Variants in CCDC171 observed in about 807,000 individuals in gnomAD.
CCDC171 encodes coiled-coil domain-containing protein 171.
In CCDC171, 177 loss-of-function variants were observed where a neutral mutation model predicts 168.2. The ratio of observed to expected loss-of-function variants is 1.05; its 90% CI spans 0.93 to 1.19. The LOEUF is 1.19. Ranked by LOEUF, CCDC171 falls within the 50% of genes most tolerant of loss-of-function variation. CCDC171 has a pLI of 0.00. For missense variants in CCDC171, 1,991 were observed against 1,539.0 expected (o/e 1.29, Z -4.91); for synonymous variants, 687 against 540.8 (o/e 1.27, Z -3.75).
intron 24 of CCDC171, among the ~76,000 whole-genome samples, chr9:15,906,372 C>G (rs550976113): frequency 3.3e-5 from 5 of 152,162 alleles, no homozygotes; most frequent in African/African-American, 1.2e-4. Context: ...GTTCAACATA[C>G]GAAAATCAAT....
chr9:15,810,033 G>A (rs561079020), intron 21 of CCDC171, among the ~76,000 whole-genome samples: 1 of 152,284 alleles, frequency 6.6e-6, no homozygotes, highest in Non-Finnish European at 1.5e-5. Flanking sequence ...GTCCCCACTA[G>A]ATGAGCTAGA....
chr9:15,706,597 A>T (rs1045284735), intron 11 of CCDC171, among the ~76,000 whole-genome samples: 1 of 152,044 alleles, frequency 6.6e-6, no homozygotes, highest in Non-Finnish European at 1.5e-5. Flanking sequence ...CCCATGTAGT[A>T]TTTTTGCTGT....
intron 3 of CCDC171, among the ~76,000 whole-genome samples, chr9:16,016,426 T>TGAAA (rs1833019578): frequency 1.3e-5 from 2 of 151,934 alleles, no homozygotes; most frequent in African/African-American, 2.4e-5. Context: ...AGTGAATGAA[T>TGAAA]GAAAGAAAGA....
chr9:15,939,919 G>C (rs1160763708), intron 25 of CCDC171, among the ~76,000 whole-genome samples: 1 of 151,736 alleles, frequency 6.6e-6, no homozygotes, highest in Non-Finnish European at 1.5e-5. Context: ...AAAAGGGATG[G>C]ATAATTTCAT....
At chr9:16,064,999 T>C (rs1412476169), downstream of CCDC171, among the ~76,000 whole-genome samples, 1 of 152,210 alleles carries the variant, frequency 6.6e-6, no homozygotes, top group Non-Finnish European at 1.5e-5. Flanking sequence ...TAAGTGCATT[T>C]GTATTGTTAA....
intron 8 of CCDC171, among the ~76,000 whole-genome samples, chr9:16,037,760 T>C (rs59882619): frequency 0.017 from 2,654 of 152,234 alleles, 91 homozygotes; most frequent in African/African-American, 0.061. Context: ...CTGGAAGAGA[T>C]TTAATTCCAA....
At chr9:15,803,336 C>A (rs1050358742) in intron 21 of CCDC171, among the ~76,000 whole-genome samples, 8 of 151,502 alleles carry the variant, frequency 5.3e-5, no homozygotes, top group African/African-American at 1.9e-4. Context: ...TTTGCCCATG[C>A]CTATGTCCTG....
At chr9:15,584,060 G>C (rs1013694644) in intron 4 of CCDC171, among the ~76,000 whole-genome samples, 3 of 152,012 alleles carry the variant, frequency 2.0e-5, no homozygotes, top group Non-Finnish European at 4.4e-5. Context: ...GTAGAGACGG[G>C]GTTTCACCAT....
chr9:15,948,629 G>A (rs1313598944), intron 25 of CCDC171, among the ~76,000 whole-genome samples: 1 of 152,060 alleles, frequency 6.6e-6, no homozygotes, highest in Non-Finnish European at 1.5e-5. Context: ...GTCTTCTTTT[G>A]AGTAGTGTCT....
intron 21 of CCDC171, among the ~76,000 whole-genome samples, chr9:15,786,171 A>G (rs2135511257): frequency 6.6e-6 from 1 of 152,274 alleles, no homozygotes; most frequent in South Asian, 2.1e-4. Flanking sequence ...AAATGCCAGG[A>G]ATTTCAAATG....
Position 15,578,082 on chromosome 9 carries a change from A to G in CCDC171, c.178-767A>G, listed in dbSNP as rs1178157518. Among the ~76,000 whole-genome samples the G allele has an allele frequency of 2.0e-5, 3 of 152,312 alleles. No homozygotes were observed. The East Asian group carries it at 5.8e-4, about 29-fold the overall frequency. On this transcript the variant is annotated intron_variant, in intron 3 of 25. Transcript: ENST00000380701. ...TGATATCATAATCAAGAGAAATAATACAGACAATATTTATTAAACTATACT... is the reference window on the plus strand; with the variant it reads ...TGATATCATAATCAAGAGAAATAATGCAGACAATATTTATTAAACTATACT...
chr9:15,656,906 T>G (rs931413049), intron 7 of CCDC171, among the ~76,000 whole-genome samples: 1 of 152,104 alleles, frequency 6.6e-6, no homozygotes, highest in Non-Finnish European at 1.5e-5. Flanking sequence ...GTGTAGGTTA[T>G]TATATGTAAG....
intron 21 of CCDC171, among the ~76,000 whole-genome samples, chr9:15,831,421 A>G (rs970357200): frequency 3.3e-5 from 5 of 152,232 alleles, no homozygotes; most frequent in African/African-American, 1.2e-4. Flanking sequence ...ATTAAAACAC[A>G]CTTGACACTT....
chr9:15,587,632 A>C lies in CCDC171; in HGVS notation c.353-3734A>C, dbSNP rs1392407067. On this transcript the variant is annotated intron_variant, in intron 4 of 25. Transcript: ENST00000380701. Reference sequence around the variant, plus strand: ...AGGTTTCCCAATAAATGAGCCATCCAGATCCTTCTCCAGCGAAGACTAAAG... The same window carrying C: ...AGGTTTCCCAATAAATGAGCCATCCCGATCCTTCTCCAGCGAAGACTAAAG... The C allele has an allele frequency of 8.8e-6, 4 of 456,772 alleles. No homozygotes were observed. In the Admixed American group the frequency reaches 9.4e-5, roughly 11 times the overall value. 28.3% of individuals were successfully genotyped at this position (456,772 alleles called of 1,614,324 possible). A position where few individuals can be genotyped will look rare whatever the true frequency, so the allele number is the denominator to read the frequency against.
chr9:15,593,363 G>A (rs572085555), intron 5 of CCDC171, among the ~76,000 whole-genome samples: 3 of 152,192 alleles, frequency 2.0e-5, no homozygotes, highest in Admixed American at 1.3e-4. Context: ...ATACTAAACC[G>A]AATTAGATCT....
At chr9:15,622,321 TA>T (rs1008903096) in intron 6 of CCDC171, among the ~76,000 whole-genome samples, 1 of 152,290 alleles carries the variant, frequency 6.6e-6, no homozygotes, top group African/African-American at 2.4e-5. Flanking sequence ...AAATATGAAA[TA>T]AAAGTTGAAT....
chr9:15,841,144 G>T (rs922819644), intron 21 of CCDC171, among the ~76,000 whole-genome samples: 2 of 151,942 alleles, frequency 1.3e-5, no homozygotes, highest in Non-Finnish European at 2.9e-5. Flanking sequence ...CCCATTTGTT[G>T]TTAATCATCT....
At chr9:15,970,012 CACTGGG>C (rs1831186972) in intron 25 of CCDC171, among the ~76,000 whole-genome samples, 1 of 152,266 alleles carries the variant, frequency 6.6e-6, no homozygotes, top group Admixed American at 6.5e-5. Flanking sequence ...GTTTTCCTTC[CACTGGG>C]AAACCTTATC....
At chr9:15,992,215 C>G (rs750339009) in intron 3 of CCDC171, among the ~76,000 whole-genome samples, 2 of 152,166 alleles carry the variant, frequency 1.3e-5, no homozygotes, top group Non-Finnish European at 2.9e-5. Context: ...AGCAGCAGGT[C>G]AAAAAGCTTA....
Sources: gnomAD v4.1 joint callset for allele counts (sites outside exome capture counted in the v4.1 genomes callset) on GRCh38, gnomAD v4.1.1 for gene constraint, MANE v1.5 for transcripts, NCBI Gene and HGNC (gene_info 2026-07-23, HGNC 2026-07-21) for gene names.